FILIP1: variants seen among roughly 807,000 people sequenced by gnomAD.
The protein encoded by FILIP1 is filamin-A-interacting protein 1.
In FILIP1, 61 loss-of-function variants were observed where a neutral mutation model predicts 102.1. The ratio of observed to expected loss-of-function variants is 0.60; its 90% confidence interval spans 0.49 to 0.74. The LOEUF (loss-of-function observed/expected upper bound fraction) is 0.74. FILIP1 is among the 30% of genes least tolerant of loss of function. The pLI is 0.00. For synonymous variants in FILIP1, 491 were observed against 526.9 expected (o/e 0.93, Z 0.93); for missense variants, 1,314 against 1,441.2 (o/e 0.91, Z 1.43).
intron 2 of FILIP1, among the ~76,000 whole-genome samples, chr6:75,388,774 G>A (rs1235739200): frequency 2.0e-5 from 3 of 152,070 alleles, no homozygotes; most frequent in Non-Finnish European, 4.4e-5. Context: ...AGGAGTTTTG[G>A]GCTGAAATGA....
chr6:75,442,151 C>G lies in FILIP1; in HGVS notation c.-6-27173G>C, dbSNP rs570399482. On this transcript the variant is annotated intron_variant, in intron 1 of 5. Transcript: ENST00000237172. ...GCAGAGGCGCTCCCCACAGCTCAGA[C>G]AATGGGTGGCCGGGCAGAGACGCTC... is the stretch of plus-strand genomic sequence containing the variant. 2.7e-5 allele frequency among the ~76,000 whole-genome samples: 4 copies of G among 150,706 alleles called. No individual in the cohort carries two copies. The East Asian group carries it at 6.0e-4, about 22-fold the overall frequency.
chr6:75,329,679 G>C (rs1291348069), intron 4 of FILIP1, among the ~76,000 whole-genome samples: 2 of 152,122 alleles, frequency 1.3e-5, no homozygotes, highest in African/African-American at 2.4e-5. Flanking sequence ...TTCCCAACTA[G>C]AGTACAGTAT....
At chr6:75,335,454 TTC>T (rs1490084814) in intron 4 of FILIP1, among the ~76,000 whole-genome samples, 3 of 152,012 alleles carry the variant, frequency 2.0e-5, no homozygotes, top group African/African-American at 4.8e-5. Context: ...GTTGTCCCTC[TTC>T]TCTGTTTTTT....
chr6:75,442,967 T>C (rs1161965104), intron 1 of FILIP1, among the ~76,000 whole-genome samples: 2 of 152,358 alleles, frequency 1.3e-5, no homozygotes, highest in East Asian at 3.9e-4. Context: ...GAAGAAAATG[T>C]TCAAAGTGAA....
rs188455002 is a variant in FILIP1 at position 75,486,835 on chromosome 6, T to C, written c.-7+6579A>G. ...TATGCTAGTTATTCCTATCATTTTATATAGTAAATGTACTGCATATGTTGT... is the reference window on the plus strand; with the variant it reads ...TATGCTAGTTATTCCTATCATTTTACATAGTAAATGTACTGCATATGTTGT... On this transcript the variant is annotated intron_variant, in intron 1 of 5. Transcript: ENST00000237172. 5.3e-4 allele frequency among the ~76,000 whole-genome samples: 81 copies of C among 152,258 alleles called. 1 individual carries two copies. The highest frequency in any genetic ancestry group is 6.0e-4 in the Non-Finnish European group (41 of 68,010).
chr6:75,344,623 G>A (rs1370416571), intron 4 of FILIP1, among the ~76,000 whole-genome samples: 1 of 152,186 alleles, frequency 6.6e-6, no homozygotes, highest in Non-Finnish European at 1.5e-5. Flanking sequence ...GGCTCTGGAG[G>A]CACTTGCACT....
intron 1 of FILIP1, among the ~76,000 whole-genome samples, chr6:75,461,810 G>A (rs1030963793): frequency 3.3e-5 from 5 of 152,218 alleles, no homozygotes; most frequent in Non-Finnish European, 7.3e-5. Context: ...AGCACCGCTT[G>A]AACAAGGGCG....
chr6:75,366,696 A>G (rs1012850620), intron 2 of FILIP1, among the ~76,000 whole-genome samples: 1 of 152,256 alleles, frequency 6.6e-6, no homozygotes, highest in Non-Finnish European at 1.5e-5. Context: ...TTAGGTCTCC[A>G]TGATTAAATA....
chr6:75,487,384 A>C (rs1779818564), intron 1 of FILIP1, among the ~76,000 whole-genome samples: 1 of 152,140 alleles, frequency 6.6e-6, no homozygotes, highest in African/African-American at 2.4e-5. Flanking sequence ...TTAGGCTGCC[A>C]CACTGAAATA....
intron 1 of FILIP1, among the ~76,000 whole-genome samples, chr6:75,487,740 G>A (rs150451023): frequency 2.8e-4 from 42 of 151,972 alleles, no homozygotes; most frequent in East Asian, 1.6e-3. Flanking sequence ...TGATGTGTCC[G>A]TTTCATACCT....
chr6:75,401,977 G>A (rs1241673987), intron 2 of FILIP1, among the ~76,000 whole-genome samples: 1 of 152,164 alleles, frequency 6.6e-6, no homozygotes. Context: ...TGAGGAAAAT[G>A]TAGGCTGCAG....
At chr6:75,420,315 G>A (rs1370061114) in intron 1 of FILIP1, among the ~76,000 whole-genome samples, 2 of 150,914 alleles carry the variant, frequency 1.3e-5, no homozygotes, top group African/African-American at 2.4e-5. Context: ...AAAATAACAA[G>A]AGAATAGATC....
chr6:75,299,272 G>A (rs1772769044), intron 6 of FILIP1, among the ~76,000 whole-genome samples: 1 of 152,034 alleles, frequency 6.6e-6, no homozygotes, highest in African/African-American at 2.4e-5. Flanking sequence ...GTAAAATCAG[G>A]TATAATTTTT....
At chr6:75,440,691 C>A (rs571892570) in intron 1 of FILIP1, among the ~76,000 whole-genome samples, 1 of 152,282 alleles carries the variant, frequency 6.6e-6, no homozygotes, top group African/African-American at 2.4e-5. Context: ...ACGCAGTGGC[C>A]TGTGATCCCA....
chr6:75,440,036 A>G (rs1182624256), intron 1 of FILIP1, among the ~76,000 whole-genome samples: 4 of 152,248 alleles, frequency 2.6e-5, no homozygotes, highest in African/African-American at 4.8e-5. Context: ...TTGTTAATAT[A>G]TAAGTCAATA....
rs112207762 is a variant in FILIP1, at chr6:75,317,758, T to C, written c.630-2556A>G. ...TTCTCTTTCACCACATCTTAAACCA[T>C]GCCCATCTCATAGTTAAAGTGGCTC... On this transcript the variant is annotated intron_variant, in intron 4 of 5. Coordinates refer to ENST00000237172, the MANE Select transcript of FILIP1 (RefSeq NM_015687.5). Among the ~76,000 whole-genome samples, 840 of 152,336 alleles carry C rather than the reference T, an allele frequency of 5.5e-3. 18 individuals carry two copies. The highest frequency in any genetic ancestry group is 0.019 in the African/African-American group (798 of 41,584).
intron 2 of FILIP1, among the ~76,000 whole-genome samples, chr6:75,378,101 A>G (rs1232618460): frequency 6.6e-6 from 1 of 152,174 alleles, no homozygotes; most frequent in Non-Finnish European, 1.5e-5. Flanking sequence ...CTTATTTTGT[A>G]TGTTTTTCTG....
intron 1 of FILIP1, among the ~76,000 whole-genome samples, chr6:75,422,440 A>C (rs1777498169): frequency 6.6e-6 from 1 of 152,094 alleles, no homozygotes; most frequent in Admixed American, 6.6e-5. Flanking sequence ...CATTTAGTTT[A>C]ATTAAAGTTT....
chr6:75,436,205 T>A (rs1214460820), intron 1 of FILIP1, among the ~76,000 whole-genome samples: 1 of 151,970 alleles, frequency 6.6e-6, no homozygotes, highest in Non-Finnish European at 1.5e-5. Context: ...AAACCCTGTC[T>A]CTACTAAAAA....
Sources: gnomAD v4.1 joint callset for allele counts (sites outside exome capture counted in the v4.1 genomes callset) on GRCh38, gnomAD v4.1.1 for gene constraint, MANE v1.5 for transcripts, NCBI Gene and HGNC (gene_info 2026-07-23, HGNC 2026-07-21) for gene names.